EDIL3: variants seen among roughly 807,000 people sequenced by gnomAD.
EDIL3 encodes EGF like and discoidin domains 3.
Under a neutral mutation model 67.4 loss-of-function variants are expected in EDIL3, and 37 were observed. That is an observed-to-expected ratio of 0.55 (90% CI 0.42 to 0.72). The LOEUF is 0.72. EDIL3 is among the 30% of genes least tolerant of loss of function. EDIL3 has a pLI of 0.00. For synonymous variants in EDIL3, 195 were observed against 196.3 expected (o/e 0.99, Z 0.05); for missense variants, 527 against 586.3 (o/e 0.90, Z 1.04).
At chr5:84,328,850 G>C (rs1746817682) in intron 1 of EDIL3, among the ~76,000 whole-genome samples, 1 of 151,970 alleles carries the variant, frequency 6.6e-6, no homozygotes, top group South Asian at 2.1e-4. Context: ...TACTTGTAAG[G>C]CTTTTTACAA....
At chr5:84,035,511 T>G (rs996753590) in intron 9 of EDIL3, among the ~76,000 whole-genome samples, 25 of 152,190 alleles carry the variant, frequency 1.6e-4, no homozygotes, top group African/African-American at 5.8e-4. Context: ...ATGGGGTCAC[T>G]CATTGGTATA....
At chr5:84,341,050 C>T (rs573850965) in intron 1 of EDIL3, among the ~76,000 whole-genome samples, 15 of 151,998 alleles carry the variant, frequency 9.9e-5, no homozygotes, top group Non-Finnish European at 1.8e-4. Context: ...CCTCCTCCAA[C>T]ATAGGTCTAT....
At chr5:84,034,739 G>T (rs1350970154) in intron 9 of EDIL3, among the ~76,000 whole-genome samples, 1 of 152,098 alleles carries the variant, frequency 6.6e-6, no homozygotes, top group Non-Finnish European at 1.5e-5. Flanking sequence ...GTCCTGGGAT[G>T]GTGAATTCAT....
chr5:84,319,488 AAACAAC>A (rs751973998), intron 1 of EDIL3, among the ~76,000 whole-genome samples: 2 of 75,726 alleles, frequency 2.6e-5, no homozygotes, highest in Non-Finnish European at 5.5e-5. Context: ...AAAAAACAAA[AAACAAC>A]AAAAAAAAAA....
chr5:84,382,577 G>A (rs890238511), intron 1 of EDIL3, among the ~76,000 whole-genome samples: 3 of 151,940 alleles, frequency 2.0e-5, no homozygotes, highest in African/African-American at 7.2e-5. Flanking sequence ...AACGTAGGCG[G>A]GGAAGAGAAG....
At chr5:84,267,582 T>G (rs947339447) in intron 1 of EDIL3, among the ~76,000 whole-genome samples, 1 of 152,162 alleles carries the variant, frequency 6.6e-6, no homozygotes, top group African/African-American at 2.4e-5. Context: ...CTTGGAAAAT[T>G]TTTTGAATGG....
At position 83,942,732 on chromosome 5, in the gene EDIL3, C is replaced by A. The variant is rs1363461149; in HGVS notation, c.*687G>T. ...ACATATATGAGTAAACATGACACTT[C>A]TTTTAGTCAACTAATAGGAAATTCA... On this transcript the variant is annotated 3_prime_UTR_variant, in exon 11 of 11. Coordinates refer to ENST00000296591, the MANE Select transcript of EDIL3 (RefSeq NM_005711.5). 1 of 151,828 alleles carries A rather than the reference C, an allele frequency of 6.6e-6. No individual in the cohort carries two copies. Among genetic ancestry groups the A allele is most frequent in the South Asian group, 2.1e-4 (1 of 4,818 alleles). 9.4% of individuals were successfully genotyped at this position (151,828 alleles called of 1,614,324 possible).
chr5:84,112,811 G>A (rs764064062), intron 5 of EDIL3, among the ~76,000 whole-genome samples: 116 of 152,038 alleles, frequency 7.6e-4, no homozygotes, highest in Admixed American at 2.0e-3. Flanking sequence ...CAATTTCAGT[G>A]AACATTTAAT....
At chr5:84,082,984 T>C (rs78013220) in intron 6 of EDIL3, among the ~76,000 whole-genome samples, 1,992 of 152,318 alleles carry the variant, frequency 0.013, 37 homozygotes, top group East Asian at 0.059. Flanking sequence ...AAAAGATTCA[T>C]TGCAGTCTGT....
intron 1 of EDIL3, among the ~76,000 whole-genome samples, chr5:84,311,625 C>G (rs1013939515): frequency 6.6e-6 from 1 of 150,936 alleles, no homozygotes; most frequent in African/African-American, 2.4e-5. Flanking sequence ...TTGGCAGGGT[C>G]ATAGGACAAT....
intron 6 of EDIL3, among the ~76,000 whole-genome samples, chr5:84,085,291 T>C (rs1438446047): frequency 6.6e-6 from 1 of 152,190 alleles, no homozygotes; most frequent in African/African-American, 2.4e-5. Context: ...ATTTTTGCGC[T>C]GATTTTTCCT....
intron 1 of EDIL3, among the ~76,000 whole-genome samples, chr5:84,306,547 T>A: frequency 6.6e-6 from 1 of 152,224 alleles, no homozygotes; most frequent in East Asian, 1.9e-4. Context: ...CTACCACTGT[T>A]TCTTGACCAA....
intron 4 of EDIL3, among the ~76,000 whole-genome samples, chr5:84,157,809 T>G (rs2112336343): frequency 6.6e-6 from 1 of 152,126 alleles, no homozygotes; most frequent in East Asian, 1.9e-4. Context: ...TGTAGAGATG[T>G]AGTATGAATT....
intron 4 of EDIL3, among the ~76,000 whole-genome samples, chr5:84,139,651 T>A (rs1748154783): frequency 6.6e-6 from 1 of 152,190 alleles, no homozygotes; most frequent in Non-Finnish European, 1.5e-5. Flanking sequence ...CTGGTTAATG[T>A]CTTCATATCT....
At chr5:84,231,197 A>G (rs1744570066) in intron 2 of EDIL3, among the ~76,000 whole-genome samples, 1 of 152,204 alleles carries the variant, frequency 6.6e-6, no homozygotes, top group South Asian at 2.1e-4. Flanking sequence ...AAGGTTTGAG[A>G]GCAGCAAGAT....
In EDIL3 at chr5:84,348,749, CAGA is replaced by C. The variant is rs1024249832; in HGVS notation, c.67+35556_67+35558del. Among the ~76,000 whole-genome samples the C allele has an allele frequency of 2.0e-4, 30 of 152,136 alleles. 1 individual carries two copies. Among genetic ancestry groups the C allele is most frequent in the Non-Finnish European group, 3.8e-4 (26 of 68,014 alleles). ...GGTACCCAGAGAATTCACCAACACA[CAGA>C]AGGTCTCCAATTTCTACTGAAGGCA... On this transcript the variant is annotated intron_variant, in intron 1 of 10. Transcript: ENST00000296591.
chr5:83,985,336 T>C (rs746548015), intron 9 of EDIL3, among the ~76,000 whole-genome samples: 5 of 152,126 alleles, frequency 3.3e-5, no homozygotes, highest in Non-Finnish European at 7.4e-5. Context: ...AAAAAAAATG[T>C]ATATTTTTGT....
At chr5:83,946,154 T>C (rs559566866) in intron 10 of EDIL3, among the ~76,000 whole-genome samples, 1 of 152,086 alleles carries the variant, frequency 6.6e-6, no homozygotes, top group East Asian at 1.9e-4. Flanking sequence ...GACATAAGCA[T>C]CTGAACTAAA....
chr5:84,202,709 G>A (rs1178439901), intron 3 of EDIL3, among the ~76,000 whole-genome samples: 1 of 152,176 alleles, frequency 6.6e-6, no homozygotes, highest in Non-Finnish European at 1.5e-5. Context: ...GCCATTAGAT[G>A]TATCTAGCTG....
Sources: allele counts gnomAD v4.1 joint callset (sites outside exome capture counted in the v4.1 genomes callset), GRCh38; gene constraint gnomAD v4.1.1; transcripts MANE v1.5; gene names NCBI Gene and HGNC (gene_info 2026-07-23, HGNC 2026-07-21).